Variants in SEMA3A observed in about 807,000 individuals in gnomAD.
The protein encoded by SEMA3A is semaphorin-3A.
A neutral mutation model predicts 97.9 loss-of-function variants in SEMA3A; 29 were observed. The observed-to-expected ratio is 0.30, with a 90% confidence interval of 0.22 to 0.40. SEMA3A has a LOEUF of 0.40. SEMA3A is among the 10% of genes least tolerant of loss of function. The pLI is 1.00. For synonymous variants in SEMA3A, 321 were observed against 323.7 expected (o/e 0.99, Z 0.09); for missense variants, 763 against 951.3 (o/e 0.80, Z 2.60).
At chr7:84,465,518 A>C (rs1805968441) in intron 1 of SEMA3A, among the ~76,000 whole-genome samples, 1 of 152,004 alleles carries the variant, frequency 6.6e-6, no homozygotes, top group Admixed American at 6.6e-5. Flanking sequence ...ACATAAAGAA[A>C]ATTTCCATTT....
chr7:84,480,827 T>A (rs1806424503), intron 1 of SEMA3A, among the ~76,000 whole-genome samples: 1 of 152,112 alleles, frequency 6.6e-6, no homozygotes, highest in Non-Finnish European at 1.5e-5. Context: ...AATGTAGCAG[T>A]GAGTATTAAA....
At chr7:84,286,122 T>A (rs1446862155) in intron 3 of SEMA3A, among the ~76,000 whole-genome samples, 2 of 152,166 alleles carry the variant, frequency 1.3e-5, no homozygotes, top group Non-Finnish European at 2.9e-5. Flanking sequence ...TAAAAAATTT[T>A]AAAATTCACC....
chr7:84,478,146 C>T (rs1021228825), intron 1 of SEMA3A, among the ~76,000 whole-genome samples: 1 of 152,118 alleles, frequency 6.6e-6, no homozygotes, highest in Non-Finnish European at 1.5e-5. Context: ...TTGCTCACAC[C>T]TTCTAGTGTC....
intron 3 of SEMA3A, among the ~76,000 whole-genome samples, chr7:84,273,492 A>G (rs917201711): frequency 3.3e-5 from 5 of 152,170 alleles, no homozygotes. Flanking sequence ...AATTTTACTT[A>G]GGACAGTAAT....
chr7:84,011,202 G>A lies in SEMA3A; in HGVS notation c.906C>T (p.Asp302=), dbSNP rs1261685584. The part of the protein sequence containing the change: ...ICSVPGPNGI[D]THFDELQDVF... Reference sequence around the variant, plus strand: ...TCTTACGCAGTTCATCAAAATGAGTGTCAATGCCATTTGGACCTGGCACTG... The same window carrying A: ...TCTTACGCAGTTCATCAAAATGAGTATCAATGCCATTTGGACCTGGCACTG... The change falls in exon 8 of 17, where the codon GAC becomes GAT. Residue 302 remains aspartate (D), a synonymous_variant. Transcript: ENST00000265362. 5 of 1,612,446 alleles carry A rather than the reference G, an allele frequency of 3.1e-6. No individual in the cohort carries two copies. In the African/African-American group the frequency reaches 6.7e-5, roughly 22 times the overall value.
chr7:83,996,590 C>T (rs981925141), intron 12 of SEMA3A, among the ~76,000 whole-genome samples: 1 of 152,110 alleles, frequency 6.6e-6, no homozygotes, highest in Non-Finnish European at 1.5e-5. Flanking sequence ...TGTGAGCCAC[C>T]ACGCCCAGCC....
chr7:84,490,569 AT>A (rs77605297), intron 1 of SEMA3A, among the ~76,000 whole-genome samples: 10,132 of 152,100 alleles, frequency 0.067, 379 homozygotes, highest in East Asian at 0.12. Flanking sequence ...AGCTTGATTG[AT>A]TTTTTCACTT....
At chr7:84,098,812 A>G (rs1794857027) in intron 4 of SEMA3A, among the ~76,000 whole-genome samples, 1 of 152,094 alleles carries the variant, frequency 6.6e-6, no homozygotes, top group South Asian at 2.1e-4. Flanking sequence ...AGGACAGATG[A>G]TATACTGGCT....
chr7:84,203,526 A>ATAT (rs372380784), intron 3 of SEMA3A, among the ~76,000 whole-genome samples: 16 of 25,680 alleles, frequency 6.2e-4, no homozygotes, highest in East Asian at 5.8e-3. Flanking sequence ...ATATATATAT[A>ATAT]TTTTTTTTTT....
intron 6 of SEMA3A, among the ~76,000 whole-genome samples, chr7:84,041,937 T>A (rs1375096500): frequency 6.6e-6 from 1 of 152,140 alleles, no homozygotes; most frequent in African/African-American, 2.4e-5. Flanking sequence ...TGCAATTGGA[T>A]ACTCTGACGT....
rs773698845 is a variant in SEMA3A at position 84,137,913 on chromosome 7, G to A, written c.113-2962C>T. On this transcript the variant is annotated intron_variant, in intron 1 of 16. Transcript: ENST00000265362. ...TATACAGTTATAAGTAAGAACACAA[G>A]CCATCACCACAGTACTTATCTTTTA... is the stretch of plus-strand genomic sequence containing the variant. Among the ~76,000 whole-genome samples the A allele has an allele frequency of 3.9e-3, 588 of 152,216 alleles. 4 individuals are homozygous for A. The highest frequency in any genetic ancestry group is 6.6e-3 in the Non-Finnish European group (446 of 68,002).
intron 3 of SEMA3A, among the ~76,000 whole-genome samples, chr7:84,202,398 TA>T (rs912165045): frequency 8.5e-5 from 13 of 152,230 alleles, no homozygotes; most frequent in African/African-American, 2.9e-4. Flanking sequence ...TTTAGTGGTC[TA>T]ATTTCATCTA....
rs1798355504 is a variant in SEMA3A, at chr7:84,201,478, T to A, written c.-82-6810A>T. On this transcript the variant is annotated intron_variant, in intron 3 of 3. Transcript: ENST00000424555. ...TCCATATTGTCTGAAGTGTAAAACA[T>A]CATTTGATCCAGTTTATGCTTCTTT... 4.0e-5 allele frequency among the ~76,000 whole-genome samples: 6 copies of A among 150,872 alleles called. No individual in the cohort carries two copies. The South Asian group carries it at 1.2e-3, about 31-fold the overall frequency.
intron 5 of SEMA3A, among the ~76,000 whole-genome samples, chr7:84,049,944 T>C (rs1029849257): frequency 2.8e-4 from 40 of 145,324 alleles, no homozygotes; most frequent in Non-Finnish European, 5.4e-4. Context: ...AATTCCCACC[T>C]ATGAGTGAGA....
rs531063310 is a variant in SEMA3A at position 84,066,434 on chromosome 7, G to T, written c.454-5876C>A. On this transcript the variant is annotated intron_variant, in intron 4 of 16. Transcript: ENST00000265362. The stretch of plus-strand genomic sequence containing the variant: ...AGTTCTGGCCAGGGCAGTTAGGCAG[G>T]AGAAGGAAATAAAGGGTATTCAATT... Among the ~76,000 whole-genome samples, 13 of 140,008 alleles carry T rather than the reference G, an allele frequency of 9.3e-5. No individual in the cohort carries two copies. In the South Asian group the frequency reaches 2.9e-3, roughly 32 times the overall value. The allele number at this position is 140,008 out of a possible 152,430, so 91.9% of individuals were successfully genotyped here.
intron 1 of SEMA3A, among the ~76,000 whole-genome samples, chr7:84,146,335 G>C (rs888297645): frequency 1.3e-5 from 2 of 152,090 alleles, no homozygotes; most frequent in Admixed American, 6.6e-5. Context: ...ATTTAGAAAA[G>C]AGCATACATG....
chr7:84,148,652 C>G (rs1337994279), intron 1 of SEMA3A, among the ~76,000 whole-genome samples: 1 of 152,114 alleles, frequency 6.6e-6, no homozygotes, highest in Non-Finnish European at 1.5e-5. Flanking sequence ...GATCCTTGAA[C>G]AACATGGGTT....
chr7:84,100,749 A>G (rs781600617), intron 4 of SEMA3A, among the ~76,000 whole-genome samples: 1 of 152,206 alleles, frequency 6.6e-6, no homozygotes, highest in Non-Finnish European at 1.5e-5. Context: ...ATTCATGTGA[A>G]TACAAATTGC....
Position 83,961,586 on chromosome 7 carries a change from C to G in SEMA3A, c.2101G>C (p.Val701Leu), listed in dbSNP as rs376064579. The change falls in exon 17 of 17, where the codon GTC (valine) becomes CTC (leucine). Residue 701 changes from valine (V) to leucine (L), a missense_variant. Coordinates refer to ENST00000265362, the MANE Select transcript of SEMA3A (RefSeq NM_006080.3). ...AGCTGCATGAAGTCTCTGTACCAGA[C>G]CTTCTGGCTAGGTGTCATGCTATTG... ...MSNSMTPSQK[V>L]WYRDFMQLIN... 3.1e-6 allele frequency: 5 copies of G among 1,613,970 alleles called. 1 individual carries two copies. The highest frequency in any genetic ancestry group is 4.5e-5 in the East Asian group (2 of 44,886).
Sources: allele counts gnomAD v4.1 joint callset (sites outside exome capture counted in the v4.1 genomes callset), GRCh38; gene constraint gnomAD v4.1.1; transcripts MANE v1.5; gene names NCBI Gene and HGNC (gene_info 2026-07-23, HGNC 2026-07-21).